RIMS2: variants seen among roughly 807,000 people sequenced by gnomAD.
RIMS2 encodes the protein regulating synaptic membrane exocytosis 2, also known as regulating synaptic membrane exocytosis protein 2.
RIMS2 carries 59 observed loss-of-function variants against 174.4 expected under a neutral mutation model. The ratio of observed to expected loss-of-function variants is 0.34; its 90% CI spans 0.27 to 0.42. RIMS2 has a LOEUF of 0.42. Ranked by LOEUF, RIMS2 falls within the 10% of genes least tolerant of loss-of-function variation. RIMS2 has a pLI of 1.00. For missense variants in RIMS2, 1,620 were observed against 1,666.3 expected, an observed-to-expected ratio of 0.97 and a Z score of 0.48; for synonymous variants, 606 against 572.5, an observed-to-expected ratio of 1.06 and a Z score of -0.84.
intron 1 of RIMS2, among the ~76,000 whole-genome samples, chr8:103,539,560 C>A (rs978158972): frequency 2.6e-5 from 4 of 152,218 alleles, no homozygotes; most frequent in African/African-American, 9.6e-5. Flanking sequence ...AAGAGACTAT[C>A]AGTATGAGCT....
intron 19 of RIMS2, among the ~76,000 whole-genome samples, chr8:104,180,470 A>G (rs1486174991): frequency 6.6e-6 from 1 of 151,530 alleles, no homozygotes; most frequent in Non-Finnish European, 1.5e-5. Context: ...ATATGTTCAG[A>G]AAAGATATTG....
chr8:104,246,720 C>T (rs1422405577), intron 20 of RIMS2, among the ~76,000 whole-genome samples: 1 of 152,012 alleles, frequency 6.6e-6, no homozygotes, highest in Non-Finnish European at 1.5e-5. Flanking sequence ...AGAGGGATAT[C>T]TGAAGGAAGA....
intron 1 of RIMS2, chr8:103,559,373 G>T: frequency 3.2e-6 from 1 of 309,850 alleles, no homozygotes; most frequent in South Asian, 3.0e-5. Context: ...CTCGGAGCTG[G>T]TGTCCACGGC....
chr8:103,612,532 C>T (rs4472479), intron 1 of RIMS2, among the ~76,000 whole-genome samples: 9,724 of 152,244 alleles, frequency 0.064, 394 homozygotes, highest in South Asian at 0.088. Context: ...CCTTGTATAA[C>T]ATCTGGAAGA....
At chr8:104,107,762 A>G (rs1428526822) in intron 19 of RIMS2, among the ~76,000 whole-genome samples, 3 of 152,248 alleles carry the variant, frequency 2.0e-5, no homozygotes, top group Admixed American at 6.5e-5. Context: ...ATCCTGGGCA[A>G]CACAGCAAGA....
rs150292878 is a variant in RIMS2 at position 104,183,788 on chromosome 8, A to T, written c.3335-61128A>T. ...TAACTGTTTGAGGTTAAATAAAATAAACTTTAGAGTTTATTTTTAAAAGTC... is the reference window on the plus strand; with the variant it reads ...TAACTGTTTGAGGTTAAATAAAATATACTTTAGAGTTTATTTTTAAAAGTC... On this transcript the variant is annotated intron_variant, in intron 19 of 23. Coordinates refer to ENST00000504942, the Ensembl canonical transcript of RIMS2. Among the ~76,000 whole-genome samples the T allele has an allele frequency of 1.8e-3, 274 of 151,672 alleles. 1 individual carries two copies. The highest frequency in any genetic ancestry group is 6.1e-3 in the African/African-American group (255 of 41,478).
chr8:104,216,577 C>G (rs1364715966), intron 19 of RIMS2, among the ~76,000 whole-genome samples: 4 of 152,132 alleles, frequency 2.6e-5, no homozygotes, highest in Non-Finnish European at 5.9e-5. Context: ...GCTATGTGAC[C>G]TTGAGCAAGA....
At chr8:103,540,869 A>G (rs542112730) in intron 1 of RIMS2, among the ~76,000 whole-genome samples, 1 of 152,230 alleles carries the variant, frequency 6.6e-6, no homozygotes, top group South Asian at 2.1e-4. Context: ...CAATGACTGG[A>G]ATGAAAAATG....
chr8:103,692,767 C>T (rs2097047395), intron 1 of RIMS2, among the ~76,000 whole-genome samples: 1 of 152,134 alleles, frequency 6.6e-6, no homozygotes, highest in African/African-American at 2.4e-5. Context: ...ATCCAAGGTG[C>T]CAGACAAAGT....
chr8:104,039,677 A>G (rs1232407071), intron 19 of RIMS2, among the ~76,000 whole-genome samples: 1 of 151,722 alleles, frequency 6.6e-6, no homozygotes, highest in East Asian at 1.9e-4. Context: ...GTATCTAGGG[A>G]AATTTTGTGT....
chr8:104,123,085 G>T (rs2098397712), intron 19 of RIMS2, among the ~76,000 whole-genome samples: 1 of 151,998 alleles, frequency 6.6e-6, no homozygotes, highest in African/African-American at 2.4e-5. Flanking sequence ...GAATACATTA[G>T]ACTGAAGTCA....
chr8:104,092,589 G>T (rs937763696), intron 19 of RIMS2, among the ~76,000 whole-genome samples: 1 of 151,676 alleles, frequency 6.6e-6, no homozygotes. Context: ...TGCAAAAAAA[G>T]ATATTATTAT....
At chr8:103,806,497 G>A (rs946743821) in intron 3 of RIMS2, among the ~76,000 whole-genome samples, 1 of 152,100 alleles carries the variant, frequency 6.6e-6, no homozygotes, top group Non-Finnish European at 1.5e-5. Context: ...GGTCCAAAAA[G>A]CCTTGGATGA....
intron 1 of RIMS2, among the ~76,000 whole-genome samples, chr8:103,633,330 A>G (rs1459182640): frequency 6.6e-6 from 1 of 151,678 alleles, no homozygotes; most frequent in African/African-American, 2.4e-5. Context: ...TACAGGTGTG[A>G]GCCACCATGC....
intron 16 of RIMS2, among the ~76,000 whole-genome samples, chr8:103,977,655 A>G (rs2093564337): frequency 6.6e-6 from 1 of 152,144 alleles, no homozygotes; most frequent in African/African-American, 2.4e-5. Context: ...TAAAGGGATA[A>G]AGGCTCAGTC....
Position 103,912,016 on chromosome 8 carries a change from G to T in RIMS2, c.1693-37G>T, listed in dbSNP as rs578227121. On this transcript the variant is annotated intron_variant, in intron 5 of 23. Transcript: ENST00000504942. ...ATAAATAAAATCATTTATTTATTTT[G>T]TATTTATTTATTTTGTTTGTTGATG... 40 of 1,471,384 alleles carry T rather than the reference G, an allele frequency of 2.7e-5. No individual in the cohort carries two copies. In the African/African-American group the frequency reaches 5.1e-4, roughly 19 times the overall value. 91.1% of individuals were successfully genotyped at this position (1,471,384 alleles called of 1,614,324 possible).
At chr8:103,863,941 C>T (rs1241350747) in intron 3 of RIMS2, among the ~76,000 whole-genome samples, 2 of 148,538 alleles carry the variant, frequency 1.3e-5, no homozygotes, top group African/African-American at 5.0e-5. Context: ...TGGAGTCTTG[C>T]TCTGTCGTCC....
At chr8:104,190,657 A>G (rs1239533585) in intron 19 of RIMS2, among the ~76,000 whole-genome samples, 1 of 152,060 alleles carries the variant, frequency 6.6e-6, no homozygotes. Flanking sequence ...CTGGGTGCGC[A>G]ATGACTGCAT....
intron 1 of RIMS2, among the ~76,000 whole-genome samples, chr8:103,662,847 G>A (rs2096620634): frequency 6.6e-6 from 1 of 152,098 alleles, no homozygotes; most frequent in Non-Finnish European, 1.5e-5. Context: ...TGTCAGCTCT[G>A]AAGATTCTGT....
Sources: allele counts gnomAD v4.1 joint callset (sites outside exome capture counted in the v4.1 genomes callset), GRCh38; gene constraint gnomAD v4.1.1; transcripts MANE v1.5; gene names NCBI Gene and HGNC (gene_info 2026-07-23, HGNC 2026-07-21).